Variants in SUPT3H observed in about 807,000 individuals in gnomAD.
SUPT3H encodes the protein SPT3 homolog, SAGA and STAGA complex component.
Under a neutral mutation model 44.3 loss-of-function variants are expected in SUPT3H, and 44 were observed. The observed-to-expected ratio is 0.99, with a 90% confidence interval of 0.78 to 1.28. The LOEUF (loss-of-function observed/expected upper bound fraction) is 1.28, where lower values mean the gene tolerates loss of function less well. SUPT3H is among the 50% of genes most tolerant of loss of function. The pLI, the probability that SUPT3H is intolerant of heterozygous loss-of-function variation, is 0.00. For synonymous variants in SUPT3H, 124 were observed against 125.6 expected (o/e 0.99, Z 0.09); for missense variants, 380 against 387.1 (o/e 0.98, Z 0.15).
At chr6:45,237,015 T>C (rs1769294215) in intron 2 of SUPT3H, among the ~76,000 whole-genome samples, 1 of 152,184 alleles carries the variant, frequency 6.6e-6, no homozygotes, top group South Asian at 2.1e-4. Flanking sequence ...TTATATCTAC[T>C]TCTGTTCTCT....
chr6:44,838,554 A>T lies in SUPT3H; in HGVS notation c.913-8697T>A, dbSNP rs114167914. ...AAGTGTTTTAAGTAAGGCCAAGAGG[A>T]GAGAGATCTTGACTTATCTTGTTTC... On this transcript the variant is annotated intron_variant, in intron 10 of 10. Coordinates refer to ENST00000371459, the MANE Select transcript of SUPT3H (RefSeq NM_003599.4). Among the ~76,000 whole-genome samples the T allele has an allele frequency of 2.5e-3, 387 of 152,216 alleles. 2 individuals are homozygous for T. Among genetic ancestry groups the T allele is most frequent in the African/African-American group, 8.5e-3 (353 of 41,536 alleles).
chr6:45,021,835 C>A (rs1285018789), intron 3 of SUPT3H, among the ~76,000 whole-genome samples: 1 of 151,886 alleles, frequency 6.6e-6, no homozygotes, highest in East Asian at 1.9e-4. Flanking sequence ...TCAGCTTTAC[C>A]ACTGAATTTC....
intron 2 of SUPT3H, among the ~76,000 whole-genome samples, chr6:45,353,248 T>G (rs1243749612): frequency 6.6e-6 from 1 of 152,074 alleles, no homozygotes; most frequent in African/African-American, 2.4e-5. Context: ...ATGAAACTAC[T>G]TAAAATTTGC....
chr6:44,837,265 A>C (rs1301305617), intron 10 of SUPT3H, among the ~76,000 whole-genome samples: 1 of 152,198 alleles, frequency 6.6e-6, no homozygotes, highest in African/African-American at 2.4e-5. Flanking sequence ...GTAACCTATA[A>C]CCTCCAGAAG....
chr6:44,934,745 C>A (rs1019444814), intron 9 of SUPT3H, among the ~76,000 whole-genome samples: 14 of 152,182 alleles, frequency 9.2e-5, no homozygotes, highest in Non-Finnish European at 1.8e-4. Context: ...TCACAAAACA[C>A]TGAATTTGCC....
chr6:44,908,622 C>T (rs1004693233), intron 10 of SUPT3H, among the ~76,000 whole-genome samples: 9 of 152,176 alleles, frequency 5.9e-5, no homozygotes, highest in African/African-American at 9.6e-5. Context: ...AATCTAGCTT[C>T]GTAAATTAGA....
chr6:44,857,349 T>TG (rs1466362261), intron 10 of SUPT3H, among the ~76,000 whole-genome samples: 1 of 152,154 alleles, frequency 6.6e-6, no homozygotes, highest in African/African-American at 2.4e-5. Context: ...TATGGGTTTG[T>TG]GAAAGAAAGG....
chr6:44,880,239 T>G (rs1778000776), intron 10 of SUPT3H, among the ~76,000 whole-genome samples: 2 of 151,998 alleles, frequency 1.3e-5, no homozygotes, highest in Non-Finnish European at 2.9e-5. Context: ...ATAAATGACC[T>G]GATAGAGCTG....
At chr6:45,044,230 C>T (rs551466806) in intron 3 of SUPT3H, among the ~76,000 whole-genome samples, 4 of 152,246 alleles carry the variant, frequency 2.6e-5, no homozygotes, top group Non-Finnish European at 4.4e-5. Context: ...CCCCTATGCA[C>T]TTTTCACTGC....
At chr6:45,313,896 A>G (rs1784337932) in intron 2 of SUPT3H, among the ~76,000 whole-genome samples, 1 of 152,200 alleles carries the variant, frequency 6.6e-6, no homozygotes, top group Non-Finnish European at 1.5e-5. Flanking sequence ...ATCCTTAACA[A>G]AATACTAGCT....
chr6:45,052,239 T>C (rs1287084041), intron 3 of SUPT3H, among the ~76,000 whole-genome samples: 2 of 152,208 alleles, frequency 1.3e-5, no homozygotes, highest in African/African-American at 2.4e-5. Flanking sequence ...GGAAAGACTA[T>C]GTCATTAAGT....
chr6:45,102,093 A>G (rs1798656521), intron 3 of SUPT3H, among the ~76,000 whole-genome samples: 1 of 152,180 alleles, frequency 6.6e-6, no homozygotes, highest in Non-Finnish European at 1.5e-5. Flanking sequence ...GACAAAACAT[A>G]AAGAACTGAA....
chr6:45,048,704 A>G (rs1415316405), intron 3 of SUPT3H, among the ~76,000 whole-genome samples: 1 of 152,184 alleles, frequency 6.6e-6, no homozygotes, highest in Non-Finnish European at 1.5e-5. Context: ...ATTGTTATTC[A>G]GCCTTAAAAA....
intron 2 of SUPT3H, among the ~76,000 whole-genome samples, chr6:45,183,316 G>A (rs1252480143): frequency 6.6e-6 from 1 of 152,136 alleles, no homozygotes; most frequent in Non-Finnish European, 1.5e-5. Context: ...TGGGGGGAGA[G>A]AGGAATGGAA....
intron 10 of SUPT3H, among the ~76,000 whole-genome samples, chr6:44,864,313 G>T (rs1340379804): frequency 6.6e-6 from 1 of 152,150 alleles, no homozygotes; most frequent in Admixed American, 6.5e-5. Flanking sequence ...GGGGCTACTG[G>T]CCCCATGGTG....
intron 3 of SUPT3H, among the ~76,000 whole-genome samples, chr6:45,044,244 GC>G (rs1367715135): frequency 1.3e-5 from 2 of 152,046 alleles, no homozygotes; most frequent in Non-Finnish European, 2.9e-5. Flanking sequence ...TCACTGCAGG[GC>G]TGAGTTCTCT....
At chr6:45,074,228 A>G (rs1027571590) in intron 3 of SUPT3H, among the ~76,000 whole-genome samples, 7 of 152,136 alleles carry the variant, frequency 4.6e-5, no homozygotes, top group Middle Eastern at 3.4e-3. Flanking sequence ...ATGGACCACA[A>G]AATTAAGCAT....
At chr6:44,817,958 G>A (rs935547830) in intron 11 of SUPT3H, among the ~76,000 whole-genome samples, 8 of 152,096 alleles carry the variant, frequency 5.3e-5, no homozygotes, top group African/African-American at 1.7e-4. Context: ...TTCAGAAAGT[G>A]TTTTGTAGAA....
At chr6:45,329,402 A>C (rs1219009197) in intron 2 of SUPT3H, among the ~76,000 whole-genome samples, 1 of 151,984 alleles carries the variant, frequency 6.6e-6, no homozygotes, top group Non-Finnish European at 1.5e-5. Flanking sequence ...AATTATGATA[A>C]GCACATCACA....
Sources: gnomAD v4.1 joint callset for allele counts (sites outside exome capture counted in the v4.1 genomes callset) on GRCh38, gnomAD v4.1.1 for gene constraint, MANE v1.5 for transcripts, NCBI Gene and HGNC (gene_info 2026-07-23, HGNC 2026-07-21) for gene names.